KAZN: variants seen among roughly 807,000 people sequenced by gnomAD.
KAZN encodes kazrin, periplakin interacting protein.
In KAZN, 40 loss-of-function variants were observed where a neutral mutation model predicts 87.4. That is an observed-to-expected ratio of 0.46 (90% CI 0.36 to 0.60). KAZN has a LOEUF of 0.60. KAZN is among the 20% of genes least tolerant of loss of function. KAZN has a pLI of 0.00. For missense variants in KAZN, 898 were observed against 1,073.9 expected, an observed-to-expected ratio of 0.84 and a Z score of 2.29; for synonymous variants, 466 against 458.3, an observed-to-expected ratio of 1.02 and a Z score of -0.22.
At chr1:14,860,213 A>G (rs1047554820) in intron 1 of KAZN, among the ~76,000 whole-genome samples, 1 of 149,100 alleles carries the variant, frequency 6.7e-6, no homozygotes, top group African/African-American at 2.5e-5. Context: ...CTTTCTTTCA[A>G]CAGGGTCTCA....
chr1:14,792,876 C>T (rs572138124), intron 1 of KAZN, among the ~76,000 whole-genome samples: 42 of 150,642 alleles, frequency 2.8e-4, no homozygotes, highest in Non-Finnish European at 5.6e-4. Context: ...CTTGGGAGGC[C>T]GAGGCAGGAG....
rs150649978 is a variant in KAZN at position 14,306,372 on chromosome 1, T to C, written c.249+125780T>C. Among the ~76,000 whole-genome samples the C allele has an allele frequency of 2.2e-3, 330 of 152,308 alleles. 1 individual carries two copies. Among genetic ancestry groups the C allele is most frequent in the African/African-American group, 7.7e-3 (322 of 41,566 alleles). On this transcript the variant is annotated intron_variant, in intron 2 of 16. Coordinates refer to the KAZN transcript ENST00000636203. The stretch of plus-strand genomic sequence containing the variant: ...TCAAATGCAATTGGCCATTGCTTTG[T>C]GATCCTTACCACTCAGGGCCAATGT...
intron 1 of KAZN, among the ~76,000 whole-genome samples, chr1:14,738,390 C>A (rs1356206854): frequency 1.3e-5 from 2 of 151,978 alleles, no homozygotes; most frequent in Admixed American, 1.3e-4. Context: ...TGCCCTGAAC[C>A]CTGGCTGCTG....
intron 1 of KAZN, among the ~76,000 whole-genome samples, chr1:14,133,733 C>T (rs1330857585): frequency 2.0e-5 from 3 of 152,116 alleles, no homozygotes; most frequent in Non-Finnish European, 2.9e-5. Flanking sequence ...GGCTAATTGT[C>T]ATAATCCCAT....
intron 2 of KAZN, among the ~76,000 whole-genome samples, chr1:14,351,773 A>G (rs553824680): frequency 2.6e-5 from 4 of 152,328 alleles, no homozygotes; most frequent in African/African-American, 9.6e-5. Flanking sequence ...TCGGACCAGC[A>G]GCTAGACCCC....
rs561860973 is a variant in KAZN at position 13,949,421 on chromosome 1, G to T, written c.91+55665G>T. ...TGGCTTTGAAAGCAACCACTAATTA[G>T]ATTGTTCAGGGCTTAAAAAATGATA... On this transcript the variant is annotated intron_variant, in intron 1 of 16. Transcript: ENST00000636203. 1.1e-4 allele frequency among the ~76,000 whole-genome samples: 17 copies of T among 152,274 alleles called. No individual in the cohort carries two copies. In the South Asian group the frequency reaches 3.5e-3, roughly 32 times the overall value.
chr1:14,416,467 T>C (rs1450810650), intron 2 of KAZN, among the ~76,000 whole-genome samples: 1 of 152,238 alleles, frequency 6.6e-6, no homozygotes, highest in Non-Finnish European at 1.5e-5. Context: ...CTGGATGCAG[T>C]GGCTCATGCC....
At chr1:14,059,820 G>A (rs904584977) in intron 1 of KAZN, among the ~76,000 whole-genome samples, 1 of 152,204 alleles carries the variant, frequency 6.6e-6, no homozygotes, top group Non-Finnish European at 1.5e-5. Context: ...GGTGCCTTAA[G>A]TGTTGTCTGT....
rs574881084 is a variant in KAZN at position 14,600,194 on chromosome 1, G to C, written c.226+971G>C. ...TTGCAAATTAAACTGCTGAAATCCA[G>C]AACAGGACAGAAACAAATCTCCAGT... is the stretch of plus-strand genomic sequence containing the variant. On this transcript the variant is annotated intron_variant, in intron 1 of 14. Coordinates refer to ENST00000376030, the MANE Select transcript of KAZN (RefSeq NM_201628.3). Among the ~76,000 whole-genome samples the C allele has an allele frequency of 3.3e-5, 5 of 152,168 alleles. No homozygotes were observed. In the South Asian group the frequency reaches 6.2e-4, roughly 19 times the overall value.
intron 2 of KAZN, among the ~76,000 whole-genome samples, chr1:15,006,055 G>C (rs1427309089): frequency 1.3e-5 from 2 of 152,202 alleles, no homozygotes. Context: ...TGTGAGCTGT[G>C]TCAGAGACAG....
intron 2 of KAZN, among the ~76,000 whole-genome samples, chr1:14,543,519 C>T (rs890756378): frequency 2.0e-5 from 3 of 152,172 alleles, no homozygotes; most frequent in Admixed American, 2.0e-4. Flanking sequence ...AGTGACTCAT[C>T]GGTACCTTTA....
intron 1 of KAZN, among the ~76,000 whole-genome samples, chr1:14,875,745 G>A (rs529819563): frequency 1.3e-5 from 2 of 152,312 alleles, no homozygotes; most frequent in East Asian, 3.9e-4. Context: ...ACAAATCAGG[G>A]CTCCTTCGCC....
At chr1:14,099,399 C>T (rs1451256770) in intron 1 of KAZN, among the ~76,000 whole-genome samples, 5 of 152,146 alleles carry the variant, frequency 3.3e-5, no homozygotes, top group African/African-American at 9.7e-5. Flanking sequence ...TCCTACTTAG[C>T]CCTTTAGAAA....
intron 2 of KAZN, among the ~76,000 whole-genome samples, chr1:14,396,772 A>G (rs1311229289): frequency 6.6e-6 from 1 of 152,208 alleles, no homozygotes; most frequent in African/African-American, 2.4e-5. Context: ...GGAATAAGCC[A>G]CTCAATTTAA....
intron 2 of KAZN, among the ~76,000 whole-genome samples, chr1:14,194,548 C>G (rs370046618): frequency 6.6e-5 from 10 of 152,312 alleles, no homozygotes; most frequent in African/African-American, 2.4e-4. Context: ...CAGACCCATC[C>G]TCTCCCAGCA....
chr1:14,103,571 C>G (rs1426863096), intron 1 of KAZN, among the ~76,000 whole-genome samples: 7 of 152,216 alleles, frequency 4.6e-5, no homozygotes, highest in African/African-American at 2.4e-5. Context: ...CTTTTCCAGC[C>G]TCTAGTGATG....
chr1:14,457,031 G>C (rs1667603098), intron 2 of KAZN, among the ~76,000 whole-genome samples: 1 of 152,204 alleles, frequency 6.6e-6, no homozygotes, highest in Non-Finnish European at 1.5e-5. Flanking sequence ...GGTGAGCCAA[G>C]ATCGCACCAC....
intron 2 of KAZN, among the ~76,000 whole-genome samples, chr1:14,212,554 C>T (rs1646875650): frequency 6.6e-6 from 1 of 151,544 alleles, no homozygotes; most frequent in African/African-American, 2.4e-5. Context: ...TCATGATTCT[C>T]TTAGAATGGA....
chr1:14,463,882 C>T (rs573264052), intron 2 of KAZN, among the ~76,000 whole-genome samples: 32 of 152,304 alleles, frequency 2.1e-4, no homozygotes, highest in Middle Eastern at 3.4e-3. Flanking sequence ...CTGCCCCATC[C>T]TATGGTGACC....
Sources: allele counts gnomAD v4.1 joint callset (sites outside exome capture counted in the v4.1 genomes callset), GRCh38; gene constraint gnomAD v4.1.1; transcripts MANE v1.5; gene names NCBI Gene and HGNC (gene_info 2026-07-23, HGNC 2026-07-21).